Variants in UBN2 observed in about 807,000 individuals in gnomAD.
The protein encoded by UBN2 is ubinuclein 2, also known as ubinuclein-2.
In UBN2, 35 loss-of-function variants were observed where a neutral mutation model predicts 120.2. The observed-to-expected ratio is 0.29, with a 90% CI of 0.22 to 0.39. The LOEUF is 0.39. UBN2 is among the 10% of genes least tolerant of loss of function. The pLI, the probability that UBN2 is intolerant of heterozygous loss-of-function variation, is 1.00. For synonymous variants in UBN2, 661 were observed against 648.7 expected (o/e 1.02, Z -0.29); for missense variants, 1,693 against 1,663.2 (o/e 1.02, Z -0.31).
At chr7:139,268,353 A>C (rs538083516) in intron 7 of UBN2, among the ~76,000 whole-genome samples, 1 of 152,064 alleles carries the variant, frequency 6.6e-6, no homozygotes, top group African/African-American at 2.4e-5. Context: ...GCTTTCCTAA[A>C]CAAACATGTC....
At chr7:139,240,424 G>C (rs1796285507) in intron 2 of UBN2, among the ~76,000 whole-genome samples, 1 of 133,444 alleles carries the variant, frequency 7.5e-6, no homozygotes, top group African/African-American at 2.9e-5. Context: ...ACTGTACCCA[G>C]CCTAAATATA....
At chr7:139,261,109 G>T in intron 5 of UBN2, 143 bp from the exon 6 acceptor site, 1 of 964,066 alleles carries the variant, frequency 1.0e-6, no homozygotes, top group Non-Finnish European at 1.5e-6. Context: ...AGGTGCTATT[G>T]TAATAGTATA....
At chr7:139,232,192 C>G (rs1796042301) in intron 1 of UBN2, among the ~76,000 whole-genome samples, 1 of 151,572 alleles carries the variant, frequency 6.6e-6, no homozygotes, top group Admixed American at 6.6e-5. Flanking sequence ...CACTCGCTCC[C>G]AACGCCGCGC....
rs778975652 is a variant in UBN2, at chr7:139,298,763, ACT to A, written c.*930_*931del. The A allele has an allele frequency of 7.2e-5, 11 of 151,842 alleles. No individual in the cohort carries two copies. The highest frequency in any genetic ancestry group is 1.5e-4 in the Non-Finnish European group (10 of 67,900). 9.4% of individuals were successfully genotyped at this position (151,842 alleles called of 1,614,324 possible). The stretch of plus-strand genomic sequence containing the variant: ...GCTTTTAGCCCTTGCAGCAACATAA[ACT>A]CTAAGTTTCCCCAGTTCATCTAACT... On this transcript the variant is annotated 3_prime_UTR_variant, in exon 18 of 18. Coordinates refer to ENST00000473989, the MANE Select transcript of UBN2 (RefSeq NM_173569.4).
Position 139,293,231 on chromosome 7 carries a change from G to A in UBN2, c.3670-1G>A. 1 of 1,613,766 alleles carries A rather than the reference G, an allele frequency of 6.2e-7. No homozygotes were observed. The highest frequency in any genetic ancestry group is 8.5e-7 in the Non-Finnish European group (1 of 1,179,670). On this transcript the variant is annotated splice_acceptor_variant, in intron 15 of 17. Transcript: ENST00000473989. LOFTEE classifies it high-confidence loss of function. ...TATTTTGACCCCTGGTTTCTGCACA[G>A]TCCACAGCAGGAGCATCATTATTGG...
At chr7:139,260,562 G>A (rs1439658737) in intron 5 of UBN2, among the ~76,000 whole-genome samples, 1 of 152,138 alleles carries the variant, frequency 6.6e-6, no homozygotes, top group East Asian at 1.9e-4. Flanking sequence ...ACGCTTGTGA[G>A]AGGCTGAATT....
the UBN2 span, among the ~76,000 whole-genome samples, chr7:139,317,336 T>A: frequency 2.0e-5 from 3 of 151,948 alleles, no homozygotes; most frequent in Admixed American, 6.6e-5. Flanking sequence ...CACGCCCAGC[T>A]AGTTTTTAAT....
chr7:139,294,836 G>A (rs556999198), intron 17 of UBN2, among the ~76,000 whole-genome samples: 15 of 152,056 alleles, frequency 9.9e-5, no homozygotes, highest in South Asian at 2.1e-4. Context: ...GTAAGACTCC[G>A]TCTCAAAAAA....
rs948673363 is a variant in UBN2, at chr7:139,299,777, C to G, written c.*1941C>G. On this transcript the variant is annotated 3_prime_UTR_variant, in exon 18 of 18. Coordinates refer to ENST00000473989, the MANE Select transcript of UBN2 (RefSeq NM_173569.4). The stretch of plus-strand genomic sequence containing the variant: ...CTTGGTTTCAATTAAGGAAGCTTGC[C>G]CAATTTTTTTAATTTTTTCAAATGT... 1 of 151,838 alleles carries G rather than the reference C, an allele frequency of 6.6e-6. No homozygotes were observed. Among genetic ancestry groups the G allele is most frequent in the Non-Finnish European group, 1.5e-5 (1 of 67,970 alleles). 9.4% of individuals were successfully genotyped at this position (151,838 alleles called of 1,614,324 possible).
At chr7:139,286,821 A>T (rs953401261) in intron 15 of UBN2, among the ~76,000 whole-genome samples, 5 of 152,194 alleles carry the variant, frequency 3.3e-5, no homozygotes, top group African/African-American at 1.2e-4. Flanking sequence ...CTGTATGTCA[A>T]GGTTTCCTGC....
At position 139,272,019 on chromosome 7, in the gene UBN2, G is replaced by A. The variant is rs1054974755; in HGVS notation, c.1597-303G>A. Reference sequence around the variant, plus strand: ...GTAGAATACAATGATTTTGTTTTCCGTTTTCTGTATGAAAGTGTTCACGGG... The same window carrying A: ...GTAGAATACAATGATTTTGTTTTCCATTTTCTGTATGAAAGTGTTCACGGG... On this transcript the variant is annotated intron_variant, in intron 8 of 17. Coordinates refer to ENST00000473989, the MANE Select transcript of UBN2 (RefSeq NM_173569.4). Among the ~76,000 whole-genome samples, 9 of 152,090 alleles carry A rather than the reference G, an allele frequency of 5.9e-5. No homozygotes were observed. In the South Asian group the frequency reaches 6.2e-4, roughly 11 times the overall value.
chr7:139,238,180 A>G (rs1584983666), intron 2 of UBN2, among the ~76,000 whole-genome samples: 1 of 152,160 alleles, frequency 6.6e-6, no homozygotes, highest in African/African-American at 2.4e-5. Flanking sequence ...GTGAGCATTG[A>G]AAAGTATCCC....
At position 139,283,170 on chromosome 7, in the gene UBN2, A is replaced by G; in HGVS notation, c.2265A>G (p.Ser755=). The change falls in exon 15 of 18, where the codon TCA becomes TCG. Residue 755 remains serine, a synonymous_variant. Transcript: ENST00000473989. ...PAQETICLDD[S]LDEDLSFHSP... ...AAGAAACCATCTGCCTCGACGACTCACTAGATGAAGACCTTTCTTTCCATT... is the reference window on the plus strand; with the variant it reads ...AAGAAACCATCTGCCTCGACGACTCGCTAGATGAAGACCTTTCTTTCCATT... The G allele has an allele frequency of 6.2e-7, 1 of 1,612,178 alleles. No homozygotes were observed. The highest frequency in any genetic ancestry group is 1.1e-5 in the South Asian group (1 of 90,936).
In UBN2 at chr7:139,294,040, A is replaced by G; in HGVS notation, c.3994+59A>G. ...TTGTATAGGCTTATAGATATGGATT[A>G]TACTTTTCTGAAAACAATGTGAATG... On this transcript the variant is annotated intron_variant, in intron 17 of 17. Coordinates refer to ENST00000473989, the MANE Select transcript of UBN2 (RefSeq NM_173569.4). 2.6e-6 allele frequency: 4 copies of G among 1,536,846 alleles called. No homozygotes were observed. The Admixed American group carries it at 7.0e-5, about 27-fold the overall frequency.
rs1585021040 is a variant in UBN2, at chr7:139,282,073, A to G, written c.2118+18A>G. 1.9e-6 allele frequency: 3 copies of G among 1,611,712 alleles called. No homozygotes were observed. Among genetic ancestry groups the G allele is most frequent in the East Asian group, 4.5e-5 (2 of 44,744 alleles). ...TGCTTAAGGTAAGTGCTATGGTTGT[A>G]TCAATCAGTATGTAATATAACACTC... On this transcript the variant is annotated intron_variant, in intron 14 of 17. Transcript: ENST00000473989.
At chr7:139,311,881 T>C (rs926690987), downstream of UBN2, among the ~76,000 whole-genome samples, 1 of 152,230 alleles carries the variant, frequency 6.6e-6, no homozygotes, top group African/African-American at 2.4e-5. Flanking sequence ...AGATGTAGCG[T>C]CATGGAGTGA....
At chr7:139,278,515 A>G (rs937856103) in intron 12 of UBN2, among the ~76,000 whole-genome samples, 4 of 151,826 alleles carry the variant, frequency 2.6e-5, no homozygotes, top group South Asian at 2.1e-4. Context: ...CATTATTATC[A>G]TTAACTTTGT....
At chr7:139,239,814 C>T (rs1288823716) in intron 2 of UBN2, among the ~76,000 whole-genome samples, 1 of 152,108 alleles carries the variant, frequency 6.6e-6, no homozygotes, top group African/African-American at 2.4e-5. Flanking sequence ...CCTTGGCCTC[C>T]CAAAATGTTG....
At position 139,282,021 on chromosome 7, in the gene UBN2, C is replaced by T; in HGVS notation, c.2084C>T (p.Thr695Ile). The T allele has an allele frequency of 1.2e-6, 2 of 1,613,318 alleles. No individual in the cohort carries two copies. Among genetic ancestry groups the T allele is most frequent in the Non-Finnish European group, 1.7e-6 (2 of 1,179,482 alleles). Residue 695 changes from threonine to isoleucine, a missense_variant, in exon 14 of 18, where the codon ACC becomes ATC. Thr to Ile is a moderately conservative substitution (Grantham distance 89). Coordinates refer to ENST00000473989, the MANE Select transcript of UBN2 (RefSeq NM_173569.4). ...KPKVKEVMVK[T>I]LPLHSFPTML... is the part of the protein sequence containing the mutation. Reference sequence around the variant, plus strand: ...ATACCTTAGGAGGTGATGGTAAAGACCCTTCCTCTCCATTCTTTCCCCACT... The same window carrying T: ...ATACCTTAGGAGGTGATGGTAAAGATCCTTCCTCTCCATTCTTTCCCCACT...
Sources: allele counts gnomAD v4.1 joint callset (sites outside exome capture counted in the v4.1 genomes callset), GRCh38; gene constraint gnomAD v4.1.1; transcripts MANE v1.5; gene names NCBI Gene and HGNC (gene_info 2026-07-23, HGNC 2026-07-21).